CRISPLD2: variants seen among roughly 807,000 people sequenced by gnomAD.
The protein encoded by CRISPLD2 is cysteine-rich secretory protein LCCL domain-containing 2.
A neutral mutation model predicts 71.1 loss-of-function variants in CRISPLD2; 47 were observed. That is an observed-to-expected ratio of 0.66 (90% CI 0.52 to 0.84). The LOEUF is 0.84. Among genes scored for constraint, CRISPLD2 ranks in the 40% least tolerant of loss-of-function variants. The pLI is 0.00. For missense variants in CRISPLD2, 830 were observed against 651.1 expected (o/e 1.27, Z -2.99); for synonymous variants, 317 against 250.1 (o/e 1.27, Z -2.52).
chr16:84,865,260 A>G (rs1470630552), intron 6 of CRISPLD2, among the ~76,000 whole-genome samples: 7 of 152,090 alleles, frequency 4.6e-5, no homozygotes, highest in African/African-American at 1.7e-4. Context: ...GGTTCAAGCA[A>G]TTCTTCTGCC....
At chr16:84,852,088 C>G (rs1387525950) in intron 5 of CRISPLD2, among the ~76,000 whole-genome samples, 3 of 152,210 alleles carry the variant, frequency 2.0e-5, no homozygotes, top group Non-Finnish European at 2.9e-5. Context: ...AGCTCTCTTC[C>G]TGGCTCACCA....
At chr16:84,858,908 T>C (rs1917311711) in intron 6 of CRISPLD2, among the ~76,000 whole-genome samples, 1 of 151,502 alleles carries the variant, frequency 6.6e-6, no homozygotes, top group South Asian at 2.1e-4. Context: ...GAGTCACCAC[T>C]TGGTTAAGCT....
Position 84,868,905 on chromosome 16 carries a change from G to A in CRISPLD2, c.908G>A (p.Cys303Tyr). The A allele has an allele frequency of 6.2e-7, 1 of 1,606,974 alleles. No homozygotes were observed. Among genetic ancestry groups the A allele is most frequent in the Non-Finnish European group, 8.5e-7 (1 of 1,176,932 alleles). Residue 303 changes from cysteine (C) to tyrosine (Y), a missense_variant, in exon 8 of 15, where the codon TGT becomes TAT. Cys to Tyr is a radical substitution (Grantham distance 194, BLOSUM62 -2). Coordinates refer to ENST00000262424, the MANE Select transcript of CRISPLD2 (RefSeq NM_031476.4). The part of the protein sequence containing the change: ...KMKDRCKGST[C>Y]NRYQCPAGCL... ...AAGGACAGGTGCAAAGGGTCCACGT[G>A]TAACAGGTGAGCCTGTGCTGGGCTG...
chr16:84,901,800 T>C (rs1450422113), intron 14 of CRISPLD2, among the ~76,000 whole-genome samples: 1 of 140,494 alleles, frequency 7.1e-6, no homozygotes, highest in Non-Finnish European at 1.5e-5. Context: ...TTTTTTTTTT[T>C]TTTTTTTTTT....
intron 5 of CRISPLD2, among the ~76,000 whole-genome samples, chr16:84,854,290 A>G (rs1016442589): frequency 6.6e-6 from 1 of 152,090 alleles, no homozygotes; most frequent in Non-Finnish European, 1.5e-5. Context: ...CAGACCAGGG[A>G]TGGTGTGTGG....
Position 84,866,911 on chromosome 16 carries a change from C to G in CRISPLD2, c.724C>G (p.Pro242Ala). 2 of 1,614,092 alleles carry G rather than the reference C, an allele frequency of 1.2e-6. No homozygotes were observed. Among genetic ancestry groups the G allele is most frequent in the Non-Finnish European group, 1.7e-6 (2 of 1,179,994 alleles). ...NLCYREETYT[P>A]KPETDEMNEV... ...CCAATGTTAAGAAGAAACCTACACT[C>G]CAAAACCTGAAACGGACGAGATGAA... The change falls in exon 7 of 15, where the codon CCA (proline) becomes GCA (alanine). Residue 242 changes from proline (P) to alanine (A), a missense_variant. Physicochemically the swap from Pro to Ala is conservative, Grantham distance 27 (BLOSUM62 -1). Transcript: ENST00000262424.
At position 84,854,732 on chromosome 16, in the gene CRISPLD2, G is replaced by A. The variant is rs766557573; in HGVS notation, c.612G>A (p.Gly204=). ...TTGTTTTTGGGTCTGTCCTCAGGGGGAACTGGATTGGAGAAGCCCCCTACA... is the reference window on the plus strand; with the variant it reads ...TTGTTTTTGGGTCTGTCCTCAGGGGAAACTGGATTGGAGAAGCCCCCTACA... ...VYFVCNYSPK[G]NWIGEAPYKN... Residue 204 remains glycine, a synonymous_variant, in exon 6 of 15, where the codon GGG becomes GGA. Coordinates refer to ENST00000262424, the MANE Select transcript of CRISPLD2 (RefSeq NM_031476.4). The A allele has an allele frequency of 1.2e-6, 2 of 1,613,854 alleles. No individual in the cohort carries two copies. Among genetic ancestry groups the A allele is most frequent in the South Asian group, 1.1e-5 (1 of 91,066 alleles).
At chr16:84,902,462 T>G (rs1232051096) in intron 14 of CRISPLD2, among the ~76,000 whole-genome samples, 1 of 151,458 alleles carries the variant, frequency 6.6e-6, no homozygotes, top group Non-Finnish European at 1.5e-5. Context: ...AGAAAAAAAT[T>G]AGCCAGGCGT....
chr16:84,832,553 C>G (rs1006729299), intron 1 of CRISPLD2, among the ~76,000 whole-genome samples: 11 of 152,276 alleles, frequency 7.2e-5, no homozygotes, highest in African/African-American at 2.7e-4. Context: ...ACGAGACCCG[C>G]AGGTCTGCGG....
intron 2 of CRISPLD2, among the ~76,000 whole-genome samples, chr16:84,844,832 C>T (rs190307424): frequency 1.0e-3 from 159 of 152,284 alleles, no homozygotes; most frequent in African/African-American, 3.4e-3. Flanking sequence ...TAAAGCCTCC[C>T]TGACTGCAGC....
At chr16:84,867,931 C>T (rs1274034147) in intron 7 of CRISPLD2, among the ~76,000 whole-genome samples, 2 of 152,220 alleles carry the variant, frequency 1.3e-5, no homozygotes, top group East Asian at 1.9e-4. Context: ...GCCACTGCTG[C>T]GGGAACTCAT....
Position 84,889,312 on chromosome 16 carries a change from A to T in CRISPLD2, c.1388A>T (p.Asp463Val), listed in dbSNP as rs1372272606. Reference sequence around the variant, plus strand: ...GGTGACGTGGACGTGATGCCCGTGGATAAAAAGAAGACCTACGTGGGCTCG... The same window carrying T: ...GGTGACGTGGACGTGATGCCCGTGGTTAAAAAGAAGACCTACGTGGGCTCG... ...SGGDVDVMPV[D>V]KKKTYVGSLR... Residue 463 changes from aspartate to valine, a missense_variant, in exon 14 of 15, where the codon GAT becomes GTT. Physicochemically the swap from Asp to Val is radical, Grantham distance 152. Coordinates refer to ENST00000262424, the MANE Select transcript of CRISPLD2 (RefSeq NM_031476.4). 1.9e-6 allele frequency: 3 copies of T among 1,614,046 alleles called. No homozygotes were observed. Among genetic ancestry groups the T allele is most frequent in the African/African-American group, 1.3e-5 (1 of 74,924 alleles).
At chr16:84,881,183 C>T (rs75735852) in intron 13 of CRISPLD2, among the ~76,000 whole-genome samples, 3 of 152,268 alleles carry the variant, frequency 2.0e-5, no homozygotes, top group East Asian at 3.9e-4. Flanking sequence ...TTCATTTTTC[C>T]GGCTATTTAG....
chr16:84,849,074 C>A, intron 3 of CRISPLD2: 1 of 249,044 alleles, frequency 4.0e-6, no homozygotes, highest in African/African-American at 2.2e-5. Context: ...ACCTGAGGAG[C>A]CTACTAGAGA....
intron 1 of CRISPLD2, among the ~76,000 whole-genome samples, chr16:84,820,742 G>C (rs1400577132): frequency 2.0e-5 from 3 of 152,160 alleles, no homozygotes; most frequent in African/African-American, 7.2e-5. Context: ...TCAAATGGAT[G>C]TGTAGAGACT....
intron 5 of CRISPLD2, among the ~76,000 whole-genome samples, chr16:84,852,354 C>T (rs1223683855): frequency 3.1e-5 from 1 of 32,468 alleles, no homozygotes; most frequent in Non-Finnish European, 1.1e-4. Flanking sequence ...GAGGCTCTCT[C>T]GTGCCCTACA....
At chr16:84,861,693 C>T (rs1180597919) in intron 6 of CRISPLD2, among the ~76,000 whole-genome samples, 1 of 152,144 alleles carries the variant, frequency 6.6e-6, no homozygotes, top group Admixed American at 6.5e-5. Context: ...AGCTGACACT[C>T]AGTATTAACC....
chr16:84,888,305 G>A (rs925014163), intron 13 of CRISPLD2, among the ~76,000 whole-genome samples: 2 of 152,212 alleles, frequency 1.3e-5, no homozygotes, highest in African/African-American at 2.4e-5. Context: ...AGGCCAAGGC[G>A]GGAGGATTGC....
chr16:84,902,040 C>T (rs528671028), intron 14 of CRISPLD2, among the ~76,000 whole-genome samples: 3 of 151,744 alleles, frequency 2.0e-5, no homozygotes, highest in African/African-American at 7.3e-5. Flanking sequence ...CTCAAGTGAT[C>T]TGCCGGCCTC....
Sources: allele counts gnomAD v4.1 joint callset (sites outside exome capture counted in the v4.1 genomes callset), GRCh38; gene constraint gnomAD v4.1.1; transcripts MANE v1.5; gene names NCBI Gene and HGNC (gene_info 2026-07-23, HGNC 2026-07-21).